The following BRWD1 variants were observed in gnomAD, a reference collection of about 807,000 sequenced individuals.
BRWD1 encodes the protein bromodomain and WD repeat domain containing 1, also known as bromodomain and WD repeat-containing protein 1.
BRWD1 carries 82 observed loss-of-function variants against 251.2 expected under a neutral mutation model. The ratio of observed to expected loss-of-function variants is 0.33; its 90% CI spans 0.27 to 0.39. The LOEUF (loss-of-function observed/expected upper bound fraction) is 0.39. BRWD1 is among the 10% of genes least tolerant of loss of function. The probability of loss-of-function intolerance (pLI) is 1.00; values close to 1 mark genes in which losing one functional copy is unlikely to be tolerated. For synonymous variants in BRWD1, 918 were observed against 902.8 expected, an observed-to-expected ratio of 1.02 and a Z score of -0.30; for missense variants, 2,233 against 2,711.6, an observed-to-expected ratio of 0.82 and a Z score of 3.92.
In BRWD1 at chr21:39,258,631, T is replaced by C. The variant is rs760109687; in HGVS notation, c.1927A>G (p.Asn643Asp). ...TCTGGGCTGCGTTCATCATTATCAT[T>C]GGTTTGCAGGCTTATAATTTGTTCA... ...VIEQIISLQTNDNDERSPESS... is the reference protein window; with the variant it reads ...VIEQIISLQTDDNDERSPESS... Residue 643 changes from asparagine to aspartate, a missense_variant, in exon 18 of 41, where the codon AAT becomes GAT. By Grantham distance (23) the Asn-to-Asp change is conservative (BLOSUM62 1). Coordinates refer to ENST00000342449, the MANE Select transcript of BRWD1 (RefSeq NM_033656.4). 1 of 1,610,384 alleles carries C rather than the reference T, an allele frequency of 6.2e-7. No homozygotes were observed. Among genetic ancestry groups the C allele is most frequent in the East Asian group, 2.2e-5 (1 of 44,752 alleles).
Position 39,188,635 on chromosome 21 carries a change from A to G in BRWD1, c.*7624T>C. ...TGTGGACTGACATGTTCATACAGCT[A>G]GACTAATGAGGCAGGCCTCTGCCCT... is the stretch of plus-strand genomic sequence containing the variant. On this transcript the variant is annotated 3_prime_UTR_variant, in exon 41 of 41. Coordinates refer to ENST00000342449, the MANE Select transcript of BRWD1 (RefSeq NM_033656.4). 1.0e-6 allele frequency: 1 copy of G among 985,410 alleles called. No individual in the cohort carries two copies. The highest frequency in any genetic ancestry group is 1.1e-4 in the East Asian group (1 of 8,814). 61.0% of individuals were successfully genotyped at this position (985,410 alleles called of 1,614,324 possible). A position where few individuals can be genotyped will look rare whatever the true frequency, so the allele number is the denominator to read the frequency against.
intron 17 of BRWD1, 106 bp downstream of exon 17, chr21:39,264,354 A>C: frequency 1.4e-6 from 1 of 738,928 alleles, no homozygotes; most frequent in South Asian, 2.3e-5. Flanking sequence ...CAAATATTGC[A>C]AAATATTAAT....
intron 17 of BRWD1, among the ~76,000 whole-genome samples, chr21:39,262,541 C>T (rs1342036452): frequency 6.6e-6 from 1 of 152,130 alleles, no homozygotes; most frequent in Non-Finnish European, 1.5e-5. Context: ...ATGGTGAAAC[C>T]CCATCTCTCC....
chr21:39,196,009 G>A lies in BRWD1; in HGVS notation c.*250C>T. 7 of 1,186,636 alleles carry A rather than the reference G, an allele frequency of 5.9e-6. No individual in the cohort carries two copies. The South Asian group carries it at 1.2e-4, about 20-fold the overall frequency. The allele number at this position is 1,186,636 out of a possible 1,614,324, so 73.5% of individuals were successfully genotyped here. On this transcript the variant is annotated 3_prime_UTR_variant, in exon 41 of 41. Transcript: ENST00000342449. ...AACATATTTCAAACTCTTGCTATAT[G>A]TAGTCAAATACTGTCAAAATAGATC...
At chr21:39,255,119 A>G (rs2146624073) in intron 19 of BRWD1, among the ~76,000 whole-genome samples, 1 of 152,294 alleles carries the variant, frequency 6.6e-6, no homozygotes, top group East Asian at 1.9e-4. Context: ...GCATGGACAA[A>G]AAAAGACGGA....
chr21:39,220,566 T>C (rs996854614), intron 29 of BRWD1, among the ~76,000 whole-genome samples: 1 of 152,192 alleles, frequency 6.6e-6, no homozygotes, highest in Non-Finnish European at 1.5e-5. Flanking sequence ...TCACAATGTC[T>C]GACATAAAAT....
chr21:39,312,272 C>T (rs1174654852), intron 4 of BRWD1, among the ~76,000 whole-genome samples: 3 of 152,218 alleles, frequency 2.0e-5, no homozygotes, highest in Non-Finnish European at 4.4e-5. Flanking sequence ...CTGCGTTCAA[C>T]AAATATTGTA....
At chr21:39,212,419 CT>C (rs1193709240) in intron 34 of BRWD1, among the ~76,000 whole-genome samples, 2 of 152,104 alleles carry the variant, frequency 1.3e-5, no homozygotes, top group African/African-American at 4.8e-5. Context: ...TATTTCTCTA[CT>C]TTTTTTGTCT....
At chr21:39,314,398 G>T (rs890799524), upstream of BRWD1, 3 of 452,270 alleles carry the variant, frequency 6.6e-6, no homozygotes, top group Admixed American at 2.4e-5. Context: ...CTGACGGCTC[G>T]GCTGGATCCA....
rs1013676248 is a variant in BRWD1, at chr21:39,269,836, C to T, written c.1530+63G>A. The T allele has an allele frequency of 9.0e-6, 12 of 1,331,032 alleles. No homozygotes were observed. In the East Asian group the frequency reaches 2.9e-4, roughly 33 times the overall value. 82.5% of individuals were successfully genotyped at this position (1,331,032 alleles called of 1,614,324 possible). A position where few individuals can be genotyped will look rare whatever the true frequency, so the allele number is the denominator to read the frequency against. The stretch of plus-strand genomic sequence containing the variant: ...AGCAGATCAATTTCTGGCTAAGCCG[C>T]ATAACCCAAATACTCTAAACAAATT... On this transcript the variant is annotated intron_variant, in intron 15 of 40. Coordinates refer to ENST00000342449, the MANE Select transcript of BRWD1 (RefSeq NM_033656.4).
intron 29 of BRWD1, among the ~76,000 whole-genome samples, chr21:39,220,293 A>G (rs1210278563): frequency 1.3e-5 from 2 of 152,228 alleles, no homozygotes. Flanking sequence ...CAAAGGCCTG[A>G]TGCACAAAAA....
chr21:39,305,249 A>T (rs756153493), intron 4 of BRWD1, among the ~76,000 whole-genome samples: 1 of 152,126 alleles, frequency 6.6e-6, no homozygotes, highest in Non-Finnish European at 1.5e-5. Context: ...GTGAGCCACC[A>T]CATCTGGCCG....
chr21:39,280,720 C>T (rs185199173), intron 8 of BRWD1, among the ~76,000 whole-genome samples: 13 of 152,166 alleles, frequency 8.5e-5, no homozygotes, highest in Admixed American at 5.2e-4. Flanking sequence ...ATCTGTTGGG[C>T]GAACAATGGA....
chr21:39,300,779 A>G (rs1313618530), intron 4 of BRWD1, among the ~76,000 whole-genome samples: 2 of 152,226 alleles, frequency 1.3e-5, no homozygotes, highest in Non-Finnish European at 2.9e-5. Flanking sequence ...GATGGCCCAG[A>G]TGTTCAAAAA....
Position 39,191,677 on chromosome 21 carries a change from C to T in BRWD1, c.*4582G>A, listed in dbSNP as rs1390498698. The T allele has an allele frequency of 1.0e-6, 1 of 984,458 alleles. No homozygotes were observed. The highest frequency in any genetic ancestry group is 1.2e-6 in the Non-Finnish European group (1 of 829,444). The allele number at this position is 984,458 out of a possible 1,614,324, so 61.0% of individuals were successfully genotyped here. ...ATTAAAGATCCCTTTAACTTTTACC[C>T]ACTGATCAAAAAAGGTAATTTTTAA... is the stretch of plus-strand genomic sequence containing the variant. On this transcript the variant is annotated 3_prime_UTR_variant, in exon 41 of 41. Transcript: ENST00000342449.
intron 21 of BRWD1, 72 bp from the exon 22 acceptor site, chr21:39,238,645 C>T (rs2146573048): frequency 4.3e-6 from 4 of 929,890 alleles, no homozygotes; most frequent in Middle Eastern, 2.1e-4. Flanking sequence ...AAAAGCTGTA[C>T]ACAATCCTCC....
intron 30 of BRWD1, 40 bp downstream of exon 30, chr21:39,218,465 T>C (rs1334162622): frequency 6.6e-7 from 1 of 1,525,494 alleles, no homozygotes; most frequent in Non-Finnish European, 8.8e-7. Context: ...TGAAAAAAAT[T>C]GAAAAAAAAA....
intron 21 of BRWD1, among the ~76,000 whole-genome samples, chr21:39,240,757 G>A (rs1007161156): frequency 1.3e-5 from 2 of 152,286 alleles, no homozygotes; most frequent in African/African-American, 4.8e-5. Flanking sequence ...GGGACTATCT[G>A]TAGTATGCTG....
intron 17 of BRWD1, among the ~76,000 whole-genome samples, chr21:39,264,251 G>T (rs1271246005): frequency 6.6e-6 from 1 of 152,016 alleles, no homozygotes; most frequent in Non-Finnish European, 1.5e-5. Flanking sequence ...CTATAGTTAT[G>T]TAAGAGAATG....
Sources: gnomAD v4.1 joint callset for allele counts (sites outside exome capture counted in the v4.1 genomes callset) on GRCh38, gnomAD v4.1.1 for gene constraint, MANE v1.5 for transcripts, NCBI Gene and HGNC (gene_info 2026-07-23, HGNC 2026-07-21) for gene names.